The following KANSL1 variants were observed in gnomAD, a reference collection of about 807,000 sequenced individuals.
The protein encoded by KANSL1 is KAT8 regulatory NSL complex subunit 1.
KANSL1 carries 22 observed loss-of-function variants against 103.6 expected under a neutral mutation model. The observed-to-expected ratio is 0.21, with a 90% CI of 0.15 to 0.30. The LOEUF is 0.30. Among genes scored for constraint, KANSL1 ranks in the 10% least tolerant of loss-of-function variants. The pLI, the probability that KANSL1 is intolerant of heterozygous loss-of-function variation, is 1.00. For missense variants in KANSL1, 1,337 were observed against 1,399.8 expected, an observed-to-expected ratio of 0.96 and a Z score of 0.72; for synonymous variants, 600 against 527.6, an observed-to-expected ratio of 1.14 and a Z score of -1.88.
At chr17:46,062,823 G>C (rs902486947) in intron 6 of KANSL1, among the ~76,000 whole-genome samples, 22 of 152,052 alleles carry the variant, frequency 1.4e-4, no homozygotes, top group African/African-American at 5.3e-4. Context: ...GCCGAGGCGG[G>C]TGGATCACTT....
At position 46,171,707 on chromosome 17, in the gene KANSL1, T is replaced by C. The variant is rs2046301628; in HGVS notation, c.437A>G (p.Gln146Arg). 1 of 1,560,264 alleles carries C rather than the reference T, an allele frequency of 6.4e-7. No individual in the cohort carries two copies. The highest frequency in any genetic ancestry group is 8.6e-7 in the Non-Finnish European group (1 of 1,157,660). The change falls in exon 2 of 15, where the codon CAG (glutamine) becomes CGG (arginine). Residue 146 changes from glutamine to arginine, a missense_variant. Physicochemically the swap from Gln to Arg is conservative, Grantham distance 43. Coordinates refer to ENST00000432791, the MANE Select transcript of KANSL1 (RefSeq NM_015443.4). The part of the protein sequence containing the change: ...ENLRTMNTSG[Q>R]TALPQAPVNG... ...TACAGGTGCTTGTGGCAGAGCTGTC[T>C]GACCACTCGTATTCATGGTTCTAAG...
intron 2 of KANSL1, among the ~76,000 whole-genome samples, chr17:46,121,750 A>C (rs139989448): frequency 2.4e-4 from 36 of 152,322 alleles, no homozygotes; most frequent in African/African-American, 6.5e-4. Flanking sequence ...TTGAATGAAT[A>C]AACTATGGTG....
At chr17:46,076,188 GT>G (rs2078760827) in intron 4 of KANSL1, among the ~76,000 whole-genome samples, 1 of 152,148 alleles carries the variant, frequency 6.6e-6, no homozygotes, top group Admixed American at 6.5e-5. Flanking sequence ...TTTGGTTCTT[GT>G]TTTTAAAAAT....
chr17:46,031,715 C>A lies in KANSL1; in HGVS notation c.3091-12G>T. On this transcript the variant is annotated splice_polypyrimidine_tract_variant and intron_variant, in intron 14 of 14. Transcript: ENST00000432791. ...CAGGGCTGGACAGACTGTAGGCAGA[C>A]AAGTTGCTCTTTGAGGACCCAGTCC... 6.3e-7 allele frequency: 1 copy of A among 1,584,920 alleles called. No homozygotes were observed. Among genetic ancestry groups the A allele is most frequent in the Non-Finnish European group, 8.6e-7 (1 of 1,159,306 alleles).
chr17:46,179,427 T>C (rs1406384147), intron 1 of KANSL1, among the ~76,000 whole-genome samples: 6 of 152,120 alleles, frequency 3.9e-5, no homozygotes, highest in South Asian at 2.1e-4. Flanking sequence ...GGGGAAGGAA[T>C]AGGTCATCCA....
At chr17:46,182,429 C>A (rs2046836081) in intron 1 of KANSL1, among the ~76,000 whole-genome samples, 1 of 152,178 alleles carries the variant, frequency 6.6e-6, no homozygotes, top group African/African-American at 2.4e-5. Context: ...TACATATGAA[C>A]AAAAGTAGAT....
At chr17:46,064,072 C>G (rs138874796) in intron 6 of KANSL1, among the ~76,000 whole-genome samples, 1 of 125,654 alleles carries the variant, frequency 8.0e-6, no homozygotes, top group African/African-American at 3.1e-5. Flanking sequence ...AAAAAAAAAA[C>G]AAAAAAAAAC....
chr17:46,158,330 G>A (rs2045541918), intron 2 of KANSL1, among the ~76,000 whole-genome samples: 1 of 151,090 alleles, frequency 6.6e-6, no homozygotes, highest in Non-Finnish European at 1.5e-5. Flanking sequence ...GGGGTTGGGG[G>A]AATTGGGATA....
intron 2 of KANSL1, among the ~76,000 whole-genome samples, chr17:46,144,636 T>A (rs1396292666): frequency 2.6e-5 from 4 of 151,486 alleles, no homozygotes; most frequent in Non-Finnish European, 4.4e-5. Flanking sequence ...ATTAGAGACA[T>A]CCCCCTTCAC....
intron 6 of KANSL1, among the ~76,000 whole-genome samples, chr17:46,055,945 C>G (rs967360191): frequency 2.6e-5 from 4 of 152,176 alleles, no homozygotes; most frequent in African/African-American, 9.7e-5. Context: ...AAGAAAACGG[C>G]TGCATTTCTG....
chr17:46,159,289 G>A (rs1021640600), intron 2 of KANSL1, among the ~76,000 whole-genome samples: 31 of 152,214 alleles, frequency 2.0e-4, no homozygotes, highest in Non-Finnish European at 4.1e-4. Context: ...AATTTTAAAA[G>A]TGAGGAACTC....
chr17:46,052,828 G>A (rs971528724), intron 6 of KANSL1, among the ~76,000 whole-genome samples: 1 of 147,986 alleles, frequency 6.8e-6, no homozygotes, highest in Non-Finnish European at 1.5e-5. Flanking sequence ...AGCCCAGCAT[G>A]GTATTGCATG....
At chr17:46,108,209 G>T (rs1490915349) in intron 2 of KANSL1, among the ~76,000 whole-genome samples, 1 of 152,182 alleles carries the variant, frequency 6.6e-6, no homozygotes, top group Non-Finnish European at 1.5e-5. Context: ...CAAACAGAGA[G>T]CCTCTATCAC....
At chr17:46,078,156 G>A (rs2078856947) in intron 4 of KANSL1, among the ~76,000 whole-genome samples, 1 of 152,112 alleles carries the variant, frequency 6.6e-6, no homozygotes, top group Admixed American at 6.5e-5. Flanking sequence ...AAAGCATAGT[G>A]GAGTCTATTT....
At chr17:46,050,725 A>G (rs374940384) in intron 6 of KANSL1, 21 bp from the exon 7 acceptor site, 2 of 1,598,082 alleles carry the variant, frequency 1.3e-6, no homozygotes, top group African/African-American at 2.7e-5. Flanking sequence ...AGCCAAACAA[A>G]ACTGACAATT....
At chr17:46,172,289 T>C in intron 1 of KANSL1, 57 bp from the exon 2 acceptor site, 3 of 846,970 alleles carry the variant, frequency 3.5e-6, no homozygotes, top group South Asian at 1.8e-5. Context: ...AAAACATGTA[T>C]ATTTTTAACA....
chr17:46,190,304 A>G (rs947113268), intron 1 of KANSL1, among the ~76,000 whole-genome samples: 1 of 152,248 alleles, frequency 6.6e-6, no homozygotes, highest in Non-Finnish European at 1.5e-5. Flanking sequence ...AATTTTCCTC[A>G]ACAGGAAACA....
chr17:46,073,201 C>T (rs2078639490), intron 4 of KANSL1, among the ~76,000 whole-genome samples: 1 of 152,188 alleles, frequency 6.6e-6, no homozygotes, highest in Non-Finnish European at 1.5e-5. Flanking sequence ...AAAGAAACAG[C>T]AATAGCTTAC....
intron 2 of KANSL1, among the ~76,000 whole-genome samples, chr17:46,155,050 A>G (rs948947660): frequency 1.3e-5 from 2 of 152,178 alleles, no homozygotes; most frequent in African/African-American, 4.8e-5. Flanking sequence ...AAGTGAAATA[A>G]CTATACTAAA....
Sources: gnomAD v4.1 joint callset for allele counts (sites outside exome capture counted in the v4.1 genomes callset) on GRCh38, gnomAD v4.1.1 for gene constraint, MANE v1.5 for transcripts, NCBI Gene and HGNC (gene_info 2026-07-23, HGNC 2026-07-21) for gene names.